BRD7: variants seen among roughly 807,000 people sequenced by gnomAD.
BRD7 encodes the protein bromodomain containing 7.
In BRD7, 15 loss-of-function variants were observed where a neutral mutation model predicts 82.1. The observed-to-expected ratio is 0.18, with a 90% CI of 0.12 to 0.28. The LOEUF (loss-of-function observed/expected upper bound fraction) is 0.28. Ranked by LOEUF, BRD7 falls within the 10% of genes least tolerant of loss-of-function variation. BRD7 has a pLI of 1.00. For synonymous variants in BRD7, 232 were observed against 266.9 expected (o/e 0.87, Z 1.27); for missense variants, 638 against 779.9 (o/e 0.82, Z 2.17).
chr16:50,356,060 A>C (rs948517718), intron 2 of BRD7, among the ~76,000 whole-genome samples: 14 of 152,256 alleles, frequency 9.2e-5, no homozygotes, highest in African/African-American at 3.4e-4. Context: ...GAACATGAGA[A>C]CTAGCTCAAG....
intron 2 of BRD7, among the ~76,000 whole-genome samples, chr16:50,361,069 C>T (rs1025043798): frequency 6.6e-6 from 1 of 152,178 alleles, no homozygotes; most frequent in African/African-American, 2.4e-5. Context: ...CTCTGTGGCT[C>T]AGTTAAATCA....
chr16:50,334,752 G>C lies in BRD7; in HGVS notation c.846C>G (p.Ala282=), dbSNP rs1062348. The C allele has an allele frequency of 4.3e-6, 7 of 1,613,062 alleles. No individual in the cohort carries two copies. The South Asian group carries it at 5.5e-5, about 13-fold the overall frequency. ...WQREREDSGD[A]EAHAFKSPSK... ...TGGGACTCTTGAAGGCGTGTGCTTC[G>C]GCATCTCCAGAGTCCTCTCTCTCTC... Residue 282 remains alanine, a synonymous_variant, in exon 7 of 17, where the codon GCC becomes GCG. Transcript: ENST00000394688.
At chr16:50,349,533 G>A in intron 5 of BRD7, 1 of 468,920 alleles carries the variant, frequency 2.1e-6, no homozygotes, top group Non-Finnish European at 4.4e-6. Flanking sequence ...AAGTTTCCTT[G>A]GGTCTCTCCA....
chr16:50,335,888 G>A (rs1016214294), intron 6 of BRD7, among the ~76,000 whole-genome samples: 4 of 152,090 alleles, frequency 2.6e-5, no homozygotes, highest in South Asian at 4.1e-4. Flanking sequence ...TTTTTTACTG[G>A]ACTTTTAAAG....
intron 2 of BRD7, among the ~76,000 whole-genome samples, chr16:50,364,128 T>G (rs1475607202): frequency 1.3e-5 from 2 of 151,698 alleles, no homozygotes; most frequent in African/African-American, 4.8e-5. Context: ...GACTGTGTGA[T>G]TAGGTTCTGG....
chr16:50,330,601 A>C (rs554044534), intron 8 of BRD7, among the ~76,000 whole-genome samples: 1 of 152,284 alleles, frequency 6.6e-6, no homozygotes, highest in Non-Finnish European at 1.5e-5. Context: ...TAAATCTACA[A>C]GATCTGCTTC....
rs542341310 is a variant in BRD7, at chr16:50,318,909, C to T, written c.*302G>A. ...AACGGAAAATCTCACTGGATGGGGC[C>T]GTTTTAAGAACGCTTCTTAGTGATG... On this transcript the variant is annotated 3_prime_UTR_variant, in exon 17 of 17. Coordinates refer to ENST00000394688, the MANE Select transcript of BRD7 (RefSeq NM_013263.5). 1.1e-4 allele frequency: 31 copies of T among 276,786 alleles called. No individual in the cohort carries two copies. Among genetic ancestry groups the T allele is most frequent in the Non-Finnish European group, 2.0e-4 (29 of 148,642 alleles). 17.1% of individuals were successfully genotyped at this position (276,786 alleles called of 1,614,324 possible). A position where few individuals can be genotyped will look rare whatever the true frequency, so the allele number is the denominator to read the frequency against.
rs2036951152 is a variant in BRD7, at chr16:50,319,064, C to CAA, written c.*145_*146dup. ...CCAGGTCCAGCTTTATTACCTAATA[C>CAA]AAGTCCAACCTCTGGAACATCCAAA... On this transcript the variant is annotated 3_prime_UTR_variant, in exon 17 of 17. Coordinates refer to ENST00000394688, the MANE Select transcript of BRD7 (RefSeq NM_013263.5). 8 of 748,334 alleles carry CAA rather than the reference C, an allele frequency of 1.1e-5. No homozygotes were observed. Among genetic ancestry groups the CAA allele is most frequent in the Middle Eastern group, 8.0e-4 (2 of 2,496 alleles). 46.4% of individuals were successfully genotyped at this position (748,334 alleles called of 1,614,324 possible). A position where few individuals can be genotyped will look rare whatever the true frequency, so the allele number is the denominator to read the frequency against.
chr16:50,341,994 G>C (rs2038083211), intron 5 of BRD7, among the ~76,000 whole-genome samples: 1 of 149,198 alleles, frequency 6.7e-6, no homozygotes, highest in African/African-American at 2.5e-5. Context: ...CAAATGAACT[G>C]AATAAATATT....
At position 50,322,098 on chromosome 16, in the gene BRD7, AAG is replaced by A. The variant is rs900740654; in HGVS notation, c.1444-62_1444-61del. On this transcript the variant is annotated intron_variant, in intron 12 of 16. Transcript: ENST00000394688. ...ACACATGAAGGCGAATATCAAGGAA[AAG>A]AGAAAACTGTCAGGAGTTTCTTGGC... 3.7e-6 allele frequency: 5 copies of A among 1,351,652 alleles called. No homozygotes were observed. The African/African-American group carries it at 7.4e-5, about 20-fold the overall frequency. 83.7% of individuals were successfully genotyped at this position (1,351,652 alleles called of 1,614,324 possible).
rs1038346797 is a variant in BRD7, at chr16:50,368,874, G to A, written c.-100C>T. 15 of 762,858 alleles carry A rather than the reference G, an allele frequency of 2.0e-5. No homozygotes were observed. Among genetic ancestry groups the A allele is most frequent in the Non-Finnish European group, 2.3e-5 (14 of 610,894 alleles). 47.3% of individuals were successfully genotyped at this position (762,858 alleles called of 1,614,324 possible). On this transcript the variant is annotated 5_prime_UTR_variant, in exon 1 of 17. Transcript: ENST00000394688. ...CGAGCGGAGGGCGGGAGCGGGGCCC[G>A]CGAGACCCCGCGCCGCGAGGCAGGG...
At chr16:50,330,778 T>C in intron 8 of BRD7, among the ~76,000 whole-genome samples, 1 of 152,196 alleles carries the variant, frequency 6.6e-6, no homozygotes, top group Non-Finnish European at 1.5e-5. Flanking sequence ...CACACAACTT[T>C]AGTAATCCTT....
intron 2 of BRD7, among the ~76,000 whole-genome samples, chr16:50,364,084 GACA>G (rs1318220701): frequency 6.7e-6 from 1 of 149,500 alleles, no homozygotes; most frequent in East Asian, 1.9e-4. Flanking sequence ...AAAAAAAAAA[GACA>G]ACATTTTCCG....
At chr16:50,341,967 C>CACACACAT (rs571195473) in intron 5 of BRD7, among the ~76,000 whole-genome samples, 5 of 149,088 alleles carry the variant, frequency 3.4e-5, no homozygotes, top group East Asian at 2.0e-4. Context: ...CACACACACA[C>CACACACAT]ATTTTACTTC....
intron 2 of BRD7, among the ~76,000 whole-genome samples, chr16:50,355,199 C>A (rs2038684052): frequency 6.6e-6 from 1 of 152,034 alleles, no homozygotes; most frequent in Non-Finnish European, 1.5e-5. Flanking sequence ...ATAAAAGATA[C>A]CCAAAACCTT....
chr16:50,358,290 C>T (rs1426466329), intron 2 of BRD7, among the ~76,000 whole-genome samples: 1 of 148,656 alleles, frequency 6.7e-6, no homozygotes, highest in African/African-American at 2.5e-5. Context: ...TTTGGGAGGC[C>T]GAGGTGGGTG....
At chr16:50,319,639 T>C (rs1567594135) in intron 16 of BRD7, among the ~76,000 whole-genome samples, 1 of 152,090 alleles carries the variant, frequency 6.6e-6, no homozygotes, top group African/African-American at 2.4e-5. Context: ...GAAAAAAATA[T>C]AAAAAATACA....
At chr16:50,350,214 A>G (rs746882958) in intron 4 of BRD7, 47 bp from the exon 5 acceptor site, 1 of 1,400,208 alleles carries the variant, frequency 7.1e-7, no homozygotes, top group Admixed American at 2.5e-5. Context: ...TCTATTACAA[A>G]CAAATCTATT....
rs77844678 is a variant in BRD7, at chr16:50,317,894, T to TAACA, written c.*1313_*1316dup. 32,153 of 151,752 alleles carry TAACA rather than the reference T, an allele frequency of 0.21. 3,641 individuals are homozygous for TAACA. Among genetic ancestry groups the TAACA allele is most frequent in the Middle Eastern group, 0.35 (100 of 288 alleles). 9.4% of individuals were successfully genotyped at this position (151,752 alleles called of 1,614,324 possible). On this transcript the variant is annotated 3_prime_UTR_variant, in exon 17 of 17. Transcript: ENST00000394688. ...TTTCTGGCTTATTGAGGAAATTTCC[T>TAACA]AACAAACAAACAAACAAACAAACAG...
Sources: allele counts gnomAD v4.1 joint callset (sites outside exome capture counted in the v4.1 genomes callset), GRCh38; gene constraint gnomAD v4.1.1; transcripts MANE v1.5; gene names NCBI Gene and HGNC (gene_info 2026-07-23, HGNC 2026-07-21).